The following CPED1 variants were observed in gnomAD, a reference collection of about 807,000 sequenced individuals.
The protein encoded by CPED1 is cadherin-like and PC-esterase domain-containing protein 1.
A neutral mutation model predicts 128.2 loss-of-function variants in CPED1; 114 were observed. That is an observed-to-expected ratio of 0.89 (90% CI 0.76 to 1.04). The LOEUF (loss-of-function observed/expected upper bound fraction) is 1.04, where lower values mean the gene tolerates loss of function less well. CPED1 is among the 50% of genes least tolerant of loss of function. The pLI, the probability that CPED1 is intolerant of heterozygous loss-of-function variation, is 0.00. For synonymous variants in CPED1, 462 were observed against 426.7 expected, an observed-to-expected ratio of 1.08 and a Z score of -1.02; for missense variants, 1,211 against 1,207.1, an observed-to-expected ratio of 1.00 and a Z score of -0.05.
At chr7:121,204,045 C>A (rs1473874336) in intron 16 of CPED1, among the ~76,000 whole-genome samples, 3 of 151,990 alleles carry the variant, frequency 2.0e-5, no homozygotes, top group African/African-American at 7.2e-5. Context: ...AAGGAGAGAT[C>A]CACCCAAGTC....
At chr7:121,245,005 A>G (rs1257345468) in intron 18 of CPED1, among the ~76,000 whole-genome samples, 1 of 152,218 alleles carries the variant, frequency 6.6e-6, no homozygotes, top group East Asian at 1.9e-4. Flanking sequence ...CTTGGTTAAC[A>G]TCAAGTAAGT....
At chr7:121,001,227 A>G (rs894658742) in intron 2 of CPED1, among the ~76,000 whole-genome samples, 4 of 152,148 alleles carry the variant, frequency 2.6e-5, no homozygotes, top group Non-Finnish European at 4.4e-5. Flanking sequence ...AGGGATGTGT[A>G]TAATACTTCC....
chr7:121,223,596 T>G (rs1182591962), intron 16 of CPED1, among the ~76,000 whole-genome samples: 2 of 152,182 alleles, frequency 1.3e-5, no homozygotes, highest in African/African-American at 4.8e-5. Flanking sequence ...CCTGGACTTT[T>G]TTTTGGTTGG....
intron 16 of CPED1, among the ~76,000 whole-genome samples, chr7:121,209,551 T>C (rs1271223603): frequency 6.6e-6 from 1 of 151,962 alleles, no homozygotes; most frequent in Non-Finnish European, 1.5e-5. Flanking sequence ...TGGATATCTA[T>C]ATGTAGAAAA....
At chr7:121,223,238 T>G (rs1478589488) in intron 16 of CPED1, among the ~76,000 whole-genome samples, 1 of 152,258 alleles carries the variant, frequency 6.6e-6, no homozygotes, top group African/African-American at 2.4e-5. Context: ...TCATTGGTTC[T>G]GTTTATGTGA....
chr7:121,061,119 G>A, intron 4 of CPED1: 1 of 205,536 alleles, frequency 4.9e-6, no homozygotes, highest in Admixed American at 6.5e-5. Context: ...TTTAAGAACT[G>A]TAACACTCAC....
intron 5 of CPED1, among the ~76,000 whole-genome samples, chr7:121,073,513 T>C (rs1201315967): frequency 1.3e-5 from 2 of 152,206 alleles, no homozygotes; most frequent in African/African-American, 2.4e-5. Flanking sequence ...CACCAGTCCT[T>C]CTTCTACAGT....
chr7:121,252,418 A>T (rs545000376), intron 18 of CPED1, among the ~76,000 whole-genome samples: 11 of 151,876 alleles, frequency 7.2e-5, no homozygotes, highest in African/African-American at 2.7e-4. Context: ...CAAGGACTTC[A>T]TGTCTAAAAC....
At chr7:121,006,650 CTTTTCAAGTTCTATCTTA>C (rs1162969872) in intron 2 of CPED1, among the ~76,000 whole-genome samples, 2 of 151,984 alleles carry the variant, frequency 1.3e-5, no homozygotes, top group Non-Finnish European at 2.9e-5. Context: ...TTCTCTTTAT[CTTTTCAAGTTCTATCTTA>C]TTTTCAAGTT....
chr7:121,099,326 TTATTC>T (rs1297124899), intron 6 of CPED1, among the ~76,000 whole-genome samples: 3 of 152,096 alleles, frequency 2.0e-5, no homozygotes, highest in Non-Finnish European at 4.4e-5. Context: ...AAATTCAACT[TTATTC>T]TACATACTAC....
chr7:121,131,970 T>C (rs1795681596), intron 12 of CPED1, among the ~76,000 whole-genome samples: 1 of 151,572 alleles, frequency 6.6e-6, no homozygotes, highest in Non-Finnish European at 1.5e-5. Flanking sequence ...ATGTTTTTTT[T>C]TTTTTAATGG....
chr7:121,126,067 A>G (rs1403701847), intron 9 of CPED1, among the ~76,000 whole-genome samples, 175 bp downstream of exon 9: 3 of 152,182 alleles, frequency 2.0e-5, no homozygotes, highest in South Asian at 2.1e-4. Context: ...TGGAGAATCT[A>G]TGAGTCCAAT....
At chr7:121,019,386 G>A (rs1374919481) in intron 3 of CPED1, among the ~76,000 whole-genome samples, 1 of 152,026 alleles carries the variant, frequency 6.6e-6, no homozygotes, top group Non-Finnish European at 1.5e-5. Context: ...GTTCTAGAAG[G>A]AGACAAAGTA....
chr7:121,067,360 T>C lies in CPED1; in HGVS notation c.616+3047T>C, dbSNP rs186254673. Among the ~76,000 whole-genome samples, 347 of 151,824 alleles carry C rather than the reference T, an allele frequency of 2.3e-3. 3 individuals carry two copies. The highest frequency in any genetic ancestry group is 7.7e-3 in the African/African-American group (320 of 41,426). Reference sequence around the variant, plus strand: ...ATTCCCACCTATGAGTGAGAACATGTGGTGTTTGTTTTTTTGTCCTTGCGA... The same window carrying C: ...ATTCCCACCTATGAGTGAGAACATGCGGTGTTTGTTTTTTTGTCCTTGCGA... On this transcript the variant is annotated intron_variant, in intron 5 of 22. Transcript: ENST00000310396.
intron 22 of CPED1, among the ~76,000 whole-genome samples, chr7:121,277,893 G>C (rs1792362280): frequency 6.6e-6 from 1 of 152,112 alleles, no homozygotes; most frequent in South Asian, 2.1e-4. Context: ...GAAAACTCAA[G>C]TAGAAGGTGA....
chr7:121,182,442 C>T (rs1035423390), intron 16 of CPED1, among the ~76,000 whole-genome samples: 1 of 150,624 alleles, frequency 6.6e-6, no homozygotes, highest in African/African-American at 2.4e-5. Flanking sequence ...TTCATTCCTT[C>T]CCTTCCTTCC....
At chr7:121,249,812 T>A (rs1798626817) in intron 18 of CPED1, among the ~76,000 whole-genome samples, 1 of 152,122 alleles carries the variant, frequency 6.6e-6, no homozygotes, top group East Asian at 1.9e-4. Context: ...AGTACCCAGA[T>A]TCATAAAGCA....
At position 121,118,359 on chromosome 7, in the gene CPED1, G is replaced by A. The variant is rs185809980; in HGVS notation, c.919-5972G>A. Among the ~76,000 whole-genome samples, 663 of 152,040 alleles carry A rather than the reference G, an allele frequency of 4.4e-3. 5 individuals carry two copies. Among genetic ancestry groups the A allele is most frequent in the African/African-American group, 0.015 (643 of 41,494 alleles). ...AGGTGGATCATGAGGTCAGGAGTTC[G>A]AGAACAGCCTGGCCAACATGGTGAA... is the stretch of plus-strand genomic sequence containing the variant. On this transcript the variant is annotated intron_variant, in intron 7 of 22. Coordinates refer to ENST00000310396, the MANE Select transcript of CPED1 (RefSeq NM_024913.5).
chr7:121,242,771 C>A (rs142731107), intron 17 of CPED1, among the ~76,000 whole-genome samples: 26 of 152,120 alleles, frequency 1.7e-4, no homozygotes, highest in Admixed American at 6.5e-4. Context: ...TGTATATTTT[C>A]TTTCCTTTCC....
Sources: gnomAD v4.1 joint callset for allele counts (sites outside exome capture counted in the v4.1 genomes callset) on GRCh38, gnomAD v4.1.1 for gene constraint, MANE v1.5 for transcripts, NCBI Gene and HGNC (gene_info 2026-07-23, HGNC 2026-07-21) for gene names.